PTPRD: variants seen among roughly 807,000 people sequenced by gnomAD.
PTPRD encodes protein tyrosine phosphatase receptor type D.
Under a neutral mutation model 214.5 loss-of-function variants are expected in PTPRD, and 34 were observed. The observed-to-expected ratio is 0.16, with a 90% CI of 0.12 to 0.21. The LOEUF is 0.21. PTPRD is among the 10% of genes least tolerant of loss of function. The pLI is 1.00. For missense variants in PTPRD, 2,545 were observed against 2,398.7 expected (o/e 1.06, Z -1.27); for synonymous variants, 1,128 against 845.7 (o/e 1.33, Z -5.79).
intron 2 of PTPRD, among the ~76,000 whole-genome samples, chr9:10,453,821 T>A (rs2098875183): frequency 6.6e-6 from 1 of 151,640 alleles, no homozygotes; most frequent in South Asian, 2.1e-4. Flanking sequence ...TGTTTAGGAT[T>A]TTCAGTACTA....
intron 10 of PTPRD, among the ~76,000 whole-genome samples, chr9:9,125,133 T>C (rs2099826983): frequency 6.6e-6 from 1 of 152,100 alleles, no homozygotes; most frequent in Non-Finnish European, 1.5e-5. Context: ...TATAAATTTA[T>C]CTGAGCCTGG....
At chr9:10,029,809 G>C (rs576099499) in intron 4 of PTPRD, among the ~76,000 whole-genome samples, 17 of 152,306 alleles carry the variant, frequency 1.1e-4, no homozygotes, top group Admixed American at 2.0e-4. Flanking sequence ...AGGAAGACAT[G>C]ATTGGTTTTG....
intron 11 of PTPRD, among the ~76,000 whole-genome samples, chr9:8,938,008 C>G (rs1295956210): frequency 1.3e-5 from 2 of 152,014 alleles, no homozygotes; most frequent in African/African-American, 4.8e-5. Flanking sequence ...ACTAAATAGA[C>G]CTAGTTTTAT....
chr9:8,835,124 T>TCAGCA (rs1253499274), intron 11 of PTPRD, among the ~76,000 whole-genome samples: 1 of 151,876 alleles, frequency 6.6e-6, no homozygotes, highest in East Asian at 1.9e-4. Flanking sequence ...AATCAGAGAG[T>TCAGCA]CAGCAAAGCA....
intron 9 of PTPRD, among the ~76,000 whole-genome samples, chr9:9,277,193 G>C (rs1323561766): frequency 6.6e-6 from 1 of 151,312 alleles, no homozygotes; most frequent in African/African-American, 2.4e-5. Flanking sequence ...AGAAATATTT[G>C]TTAAATTTAA....
chr9:9,970,809 G>C (rs571813351), intron 4 of PTPRD, among the ~76,000 whole-genome samples: 2 of 152,252 alleles, frequency 1.3e-5, no homozygotes, highest in South Asian at 4.1e-4. Flanking sequence ...CTGGCCCACA[G>C]AAAACCATGG....
At chr9:10,517,627 A>G (rs1462230890) in intron 2 of PTPRD, among the ~76,000 whole-genome samples, 1 of 152,052 alleles carries the variant, frequency 6.6e-6, no homozygotes, top group Non-Finnish European at 1.5e-5. Flanking sequence ...TGAATGTATC[A>G]ATATCTATAG....
chr9:8,324,101 A>T (rs75225438), intron 44 of PTPRD, among the ~76,000 whole-genome samples: 1 of 145,444 alleles, frequency 6.9e-6, no homozygotes, highest in Admixed American at 6.9e-5. Flanking sequence ...GATGATTAGC[A>T]TTTTTTTTTT....
At chr9:10,184,123 T>C (rs1017049785) in intron 3 of PTPRD, among the ~76,000 whole-genome samples, 6 of 152,130 alleles carry the variant, frequency 3.9e-5, no homozygotes, top group Admixed American at 3.9e-4. Context: ...TGCACTGGTT[T>C]CAATAAAAAA....
At chr9:9,005,598 A>T (rs1283907829) in intron 11 of PTPRD, among the ~76,000 whole-genome samples, 2 of 151,996 alleles carry the variant, frequency 1.3e-5, no homozygotes, top group Non-Finnish European at 2.9e-5. Flanking sequence ...CATTCTATAA[A>T]AACCTAAGTA....
chr9:9,976,689 C>CAAAAAAAAAAAAAAAA lies in PTPRD; in HGVS notation c.-471-38095_-471-38080dup, dbSNP rs869096131. ...GGTGTGAGCCACTACACCCTGCCAC[C>CAAAAAAAAAAAAAAAA]AAAAAAAAAAAAAAAAAAAAAAATT... On this transcript the variant is annotated intron_variant, in intron 4 of 45. Transcript: ENST00000381196. 4.0e-4 allele frequency among the ~76,000 whole-genome samples: 25 copies of CAAAAAAAAAAAAAAAA among 63,250 alleles called. 1 individual carries two copies. The highest frequency in any genetic ancestry group is 1.6e-3 in the South Asian group (2 of 1,280). The allele number at this position is 63,250 out of a possible 152,430, so 41.5% of individuals were successfully genotyped here.
At chr9:8,757,203 A>G (rs1381865224) in intron 11 of PTPRD, among the ~76,000 whole-genome samples, 1 of 152,174 alleles carries the variant, frequency 6.6e-6, no homozygotes, top group East Asian at 1.9e-4. Context: ...AGATCATGCT[A>G]ATACATGTTA....
rs117895989 is a variant in PTPRD at position 9,041,794 on chromosome 9, C to T, written c.-142-23059G>A. Among the ~76,000 whole-genome samples, 94 of 152,258 alleles carry T rather than the reference C, an allele frequency of 6.2e-4. No individual in the cohort carries two copies. In the East Asian group the frequency reaches 0.015, roughly 25 times the overall value. On this transcript the variant is annotated intron_variant, in intron 10 of 45. Coordinates refer to ENST00000381196, the MANE Select transcript of PTPRD (RefSeq NM_002839.4). ...TCTTAGAAACGTCCAGTGACATGCT[C>T]GAGCTGGAAGGAACAACTAGGACTC...
At chr9:10,190,316 G>C (rs2099357120) in intron 3 of PTPRD, among the ~76,000 whole-genome samples, 3 of 136,844 alleles carry the variant, frequency 2.2e-5, no homozygotes, top group African/African-American at 2.6e-5. Context: ...AGTGAATTGA[G>C]ATCCAAGATC....
Position 9,125,600 on chromosome 9 carries a change from T to C in PTPRD, c.-143+57704A>G, listed in dbSNP as rs1046934568. 9.2e-5 allele frequency among the ~76,000 whole-genome samples: 14 copies of C among 152,312 alleles called. No individual in the cohort carries two copies. In the East Asian group the frequency reaches 2.7e-3, roughly 29 times the overall value. ...AGGTAGCAAGATATCTGGCACAAAA[T>C]AGGTGCTCAAGAAATACTTCTTGAA... On this transcript the variant is annotated intron_variant, in intron 10 of 45. Coordinates refer to ENST00000381196, the MANE Select transcript of PTPRD (RefSeq NM_002839.4).
intron 6 of PTPRD, among the ~76,000 whole-genome samples, chr9:9,748,118 C>T (rs2098476628): frequency 6.6e-6 from 1 of 152,152 alleles, no homozygotes; most frequent in South Asian, 2.1e-4. Context: ...CATCATTCAT[C>T]AGTGAATCAC....
intron 8 of PTPRD, among the ~76,000 whole-genome samples, chr9:9,427,605 A>C (rs1001170794): frequency 8.5e-5 from 13 of 152,188 alleles, no homozygotes; most frequent in Non-Finnish European, 1.8e-4. Context: ...CAAGACACAT[A>C]ATTGTCAGAT....
intron 31 of PTPRD, among the ~76,000 whole-genome samples, chr9:8,467,874 C>G (rs2096574984): frequency 6.6e-6 from 1 of 151,852 alleles, no homozygotes; most frequent in Non-Finnish European, 1.5e-5. Flanking sequence ...AGGACAGTAG[C>G]CTATTACACC....
chr9:9,580,213 C>T (rs1018974579), intron 7 of PTPRD, among the ~76,000 whole-genome samples: 4 of 152,014 alleles, frequency 2.6e-5, no homozygotes, highest in Non-Finnish European at 4.4e-5. Context: ...TCTTTTCCTT[C>T]GGGTATATAT....
Sources: allele counts gnomAD v4.1 joint callset (sites outside exome capture counted in the v4.1 genomes callset), GRCh38; gene constraint gnomAD v4.1.1; transcripts MANE v1.5; gene names NCBI Gene and HGNC (gene_info 2026-07-23, HGNC 2026-07-21).